ADCY2: variants seen among roughly 807,000 people sequenced by gnomAD.
ADCY2 encodes adenylate cyclase type 2.
ADCY2 carries 31 observed loss-of-function variants against 125.2 expected under a neutral mutation model. That is an observed-to-expected ratio of 0.25 (90% confidence interval 0.19 to 0.33). ADCY2 has a LOEUF of 0.33. Among genes scored for constraint, ADCY2 ranks in the 10% least tolerant of loss-of-function variants. The pLI is 1.00. For synonymous variants in ADCY2, 512 were observed against 548.4 expected (o/e 0.93, Z 0.93); for missense variants, 904 against 1,418.2 (o/e 0.64, Z 5.82).
chr5:7,603,531 G>A (rs1737285709), intron 3 of ADCY2, among the ~76,000 whole-genome samples: 1 of 152,198 alleles, frequency 6.6e-6, no homozygotes, highest in Admixed American at 6.5e-5. Context: ...GGTGAATGCT[G>A]CTTAGAATGT....
At chr5:7,402,848 A>G (rs996962093) in intron 1 of ADCY2, among the ~76,000 whole-genome samples, 2 of 152,232 alleles carry the variant, frequency 1.3e-5, no homozygotes, top group Non-Finnish European at 2.9e-5. Context: ...CAAGGTGGTC[A>G]TTATTTTCTG....
At chr5:7,791,943 G>T (rs1373335817) in intron 20 of ADCY2, among the ~76,000 whole-genome samples, 1 of 152,112 alleles carries the variant, frequency 6.6e-6, no homozygotes. Context: ...TGGGAGACGG[G>T]GGCCAGGGGG....
chr5:7,716,035 T>C (rs1215965011), intron 11 of ADCY2, among the ~76,000 whole-genome samples: 1 of 152,234 alleles, frequency 6.6e-6, no homozygotes, highest in Non-Finnish European at 1.5e-5. Context: ...ATTTAACTTC[T>C]AAGAATAGGT....
chr5:7,452,298 C>T (rs1452807527), intron 2 of ADCY2, among the ~76,000 whole-genome samples: 3 of 152,118 alleles, frequency 2.0e-5, no homozygotes, highest in Non-Finnish European at 4.4e-5. Flanking sequence ...TCTCTGCATG[C>T]CTTTGCACAC....
At chr5:7,693,039 T>A (rs4235581) in intron 5 of ADCY2, among the ~76,000 whole-genome samples, 124,609 of 152,124 alleles carry the variant, frequency 0.82, 51,329 homozygotes, top group South Asian at 0.86. Flanking sequence ...GCACAAACCT[T>A]GATTTCTGAA....
intron 2 of ADCY2, among the ~76,000 whole-genome samples, chr5:7,452,985 G>T (rs991141156): frequency 6.6e-5 from 10 of 152,106 alleles, no homozygotes; most frequent in African/African-American, 2.4e-4. Flanking sequence ...GTTCCTTGTA[G>T]ATTCTGGATA....
chr5:7,769,227 G>A (rs1743485353), intron 17 of ADCY2, among the ~76,000 whole-genome samples: 1 of 152,120 alleles, frequency 6.6e-6, no homozygotes, highest in African/African-American at 2.4e-5. Context: ...GTTTGTGCAT[G>A]TGTTTATGTA....
chr5:7,712,726 A>G, intron 10 of ADCY2, 130 bp from the exon 11 acceptor site: 1 of 672,152 alleles, frequency 1.5e-6, no homozygotes, highest in East Asian at 2.8e-5. Context: ...TCTCCACATG[A>G]GTAATTAATT....
intron 2 of ADCY2, among the ~76,000 whole-genome samples, chr5:7,477,652 G>T (rs1471102785): frequency 6.6e-6 from 1 of 152,024 alleles, no homozygotes; most frequent in East Asian, 1.9e-4. Context: ...TTGAAGATTT[G>T]CTCTTATCCA....
intron 15 of ADCY2, among the ~76,000 whole-genome samples, chr5:7,744,652 C>T (rs1468389828): frequency 7.9e-5 from 12 of 152,192 alleles, no homozygotes; most frequent in Non-Finnish European, 1.6e-4. Flanking sequence ...GCCACTGTTT[C>T]GTTTTGTTCA....
chr5:7,533,710 G>A, intron 3 of ADCY2, among the ~76,000 whole-genome samples: 1 of 152,242 alleles, frequency 6.6e-6, no homozygotes, highest in South Asian at 2.1e-4. Flanking sequence ...AAAGAAACCT[G>A]TATTTTATTT....
rs200555888 is a variant in ADCY2 at position 7,826,860 on chromosome 5, G to C, written c.3265G>C (p.Val1089Leu). ...GTCAAGGTCCCTTTCCCAGAGCAAC[G>C]TGGCATCCTGAAGAGTCACCTTCAT... ...EMSRSLSQSNVAS is the reference protein window; with the variant it reads ...EMSRSLSQSNLAS The change falls in exon 25 of 25, where the codon GTG becomes CTG. Residue 1089 changes from valine to leucine, a missense_variant. Physicochemically the swap from Val to Leu is conservative, Grantham distance 32. Coordinates refer to ENST00000338316, the MANE Select transcript of ADCY2 (RefSeq NM_020546.3). 8.1e-6 allele frequency: 13 copies of C among 1,608,148 alleles called. No homozygotes were observed. The highest frequency in any genetic ancestry group is 1.1e-5 in the Non-Finnish European group (13 of 1,177,882).
chr5:7,595,670 C>T (rs943361991), intron 3 of ADCY2, among the ~76,000 whole-genome samples: 10 of 152,154 alleles, frequency 6.6e-5, no homozygotes, highest in Admixed American at 6.5e-5. Flanking sequence ...GATTTGTTAC[C>T]AGACCCCCCA....
intron 4 of ADCY2, among the ~76,000 whole-genome samples, chr5:7,689,924 T>C (rs538584176): frequency 6.6e-6 from 1 of 152,324 alleles, no homozygotes. Flanking sequence ...TGTTAGACTT[T>C]TCCTCCAAAA....
intron 3 of ADCY2, among the ~76,000 whole-genome samples, chr5:7,620,707 A>T (rs1159254477): frequency 6.6e-6 from 1 of 152,182 alleles, no homozygotes; most frequent in Non-Finnish European, 1.5e-5. Context: ...GCCAAATTGG[A>T]TGCTTATGAG....
At chr5:7,823,108 TC>T (rs1327493003) in intron 24 of ADCY2, among the ~76,000 whole-genome samples, 1 of 152,242 alleles carries the variant, frequency 6.6e-6, no homozygotes, top group Non-Finnish European at 1.5e-5. Flanking sequence ...CTTTGGTCTT[TC>T]TAAAGGATAT....
chr5:7,506,789 C>CTTTTTTTTTT lies in ADCY2; in HGVS notation c.409-13929_409-13920dup, dbSNP rs70940743. Among the ~76,000 whole-genome samples, 23 of 55,060 alleles carry CTTTTTTTTTT rather than the reference C, an allele frequency of 4.2e-4. 6 individuals are homozygous for CTTTTTTTTTT. The highest frequency in any genetic ancestry group is 7.2e-4 in the Non-Finnish European group (22 of 30,662). The allele number at this position is 55,060 out of a possible 152,430, so 36.1% of individuals were successfully genotyped here. On this transcript the variant is annotated intron_variant, in intron 2 of 24. Transcript: ENST00000338316. The stretch of plus-strand genomic sequence containing the variant: ...AGGGGTAAATGTGTGATGCGTTGCT[C>CTTTTTTTTTT]TTTTTTTTTTTTTTTTTTTTTTTTT...
intron 18 of ADCY2, among the ~76,000 whole-genome samples, chr5:7,778,593 C>T (rs1476670694): frequency 6.6e-6 from 1 of 152,216 alleles, no homozygotes; most frequent in Non-Finnish European, 1.5e-5. Context: ...GCCTTAGCAA[C>T]AGCCTCCTAT....
intron 16 of ADCY2, among the ~76,000 whole-genome samples, chr5:7,760,485 G>T (rs886833277): frequency 6.6e-6 from 1 of 152,336 alleles, no homozygotes; most frequent in Non-Finnish European, 1.5e-5. Context: ...CTCCTGGCCC[G>T]TCAGGAGTGT....
Sources: allele counts gnomAD v4.1 joint callset (sites outside exome capture counted in the v4.1 genomes callset), GRCh38; gene constraint gnomAD v4.1.1; transcripts MANE v1.5; gene names NCBI Gene and HGNC (gene_info 2026-07-23, HGNC 2026-07-21).